The following TBC1D9 variants were observed in gnomAD, a reference collection of about 807,000 sequenced individuals.
TBC1D9 encodes TBC1 domain family member 9A.
In TBC1D9, 63 loss-of-function variants were observed where a neutral mutation model predicts 132.0. The ratio of observed to expected loss-of-function variants is 0.48; its 90% CI spans 0.39 to 0.59. The LOEUF (loss-of-function observed/expected upper bound fraction) is 0.59. Ranked by LOEUF, TBC1D9 falls within the 20% of genes least tolerant of loss-of-function variation. The probability of loss-of-function intolerance (pLI) is 0.00; values close to 1 mark genes in which losing one functional copy is unlikely to be tolerated. For synonymous variants in TBC1D9, 610 were observed against 609.9 expected (o/e 1.00, Z 0.00); for missense variants, 1,261 against 1,592.7 (o/e 0.79, Z 3.54).
chr4:140,703,926 C>T (rs1348550006), intron 1 of TBC1D9, among the ~76,000 whole-genome samples: 1 of 152,190 alleles, frequency 6.6e-6, no homozygotes, highest in Non-Finnish European at 1.5e-5. Context: ...TGACTTTTCA[C>T]TTATCTACAG....
intron 9 of TBC1D9, among the ~76,000 whole-genome samples, chr4:140,666,771 G>A (rs1470948421): frequency 2.7e-5 from 4 of 148,504 alleles, no homozygotes; most frequent in African/African-American, 9.9e-5. Context: ...ACCTTAACTA[G>A]TAAGTTGTGA....
At chr4:140,660,112 T>C (rs1737334020) in intron 10 of TBC1D9, among the ~76,000 whole-genome samples, 1 of 152,218 alleles carries the variant, frequency 6.6e-6, no homozygotes, top group Admixed American at 6.5e-5. Flanking sequence ...CTTTGTAACT[T>C]TCCGTAATGG....
intron 6 of TBC1D9, among the ~76,000 whole-genome samples, chr4:140,675,376 C>T (rs1411419848): frequency 1.3e-5 from 2 of 152,086 alleles, no homozygotes; most frequent in East Asian, 1.9e-4. Context: ...AGCAAGGGGA[C>T]AATCCTGATC....
At chr4:140,627,928 T>C (rs1161271826) in intron 17 of TBC1D9, among the ~76,000 whole-genome samples, 1 of 152,122 alleles carries the variant, frequency 6.6e-6, no homozygotes, top group Non-Finnish European at 1.5e-5. Context: ...TCCCAGCTGG[T>C]ACCAACCTTG....
chr4:140,655,261 T>C (rs1458034859), intron 13 of TBC1D9, among the ~76,000 whole-genome samples: 1 of 152,234 alleles, frequency 6.6e-6, no homozygotes, highest in Admixed American at 6.5e-5. Flanking sequence ...TATTTTGCTT[T>C]CAATATATAT....
At chr4:140,645,043 C>A in intron 13 of TBC1D9, 1 of 484,400 alleles carries the variant, frequency 2.1e-6, no homozygotes, top group Non-Finnish European at 4.1e-6. Flanking sequence ...GTTGCGGGGT[C>A]CACAGACCAG....
chr4:140,753,086 G>T (rs142271402), intron 1 of TBC1D9, among the ~76,000 whole-genome samples: 1 of 151,928 alleles, frequency 6.6e-6, no homozygotes, highest in Admixed American at 6.6e-5. Context: ...CTTCCTCAAG[G>T]AATCTTTCCT....
At chr4:140,643,454 C>G in intron 13 of TBC1D9, 2 of 921,932 alleles carry the variant, frequency 2.2e-6, no homozygotes, top group South Asian at 2.7e-5. Flanking sequence ...CAGAGCTTGC[C>G]TCTTCCAGGT....
chr4:140,684,126 G>C (rs1164389411), intron 3 of TBC1D9, among the ~76,000 whole-genome samples: 1 of 152,046 alleles, frequency 6.6e-6, no homozygotes, highest in Non-Finnish European at 1.5e-5. Flanking sequence ...GGGAGGCCGG[G>C]CATGGTGTCT....
rs926990126 is a variant in TBC1D9, at chr4:140,622,049, T to C, written c.*146A>G. On this transcript the variant is annotated 3_prime_UTR_variant, in exon 21 of 21. Transcript: ENST00000442267. The stretch of plus-strand genomic sequence containing the variant: ...TTAAATATTTCTCCAACAGTTTTCA[T>C]TGAATTACATTATGAAAACACTAGG... 1 of 1,165,914 alleles carries C rather than the reference T, an allele frequency of 8.6e-7. No homozygotes were observed. Among genetic ancestry groups the C allele is most frequent in the Admixed American group, 3.0e-5 (1 of 33,344 alleles). 72.2% of individuals were successfully genotyped at this position (1,165,914 alleles called of 1,614,324 possible).
At chr4:140,725,453 G>T (rs1430189802) in intron 1 of TBC1D9, among the ~76,000 whole-genome samples, 1 of 152,200 alleles carries the variant, frequency 6.6e-6, no homozygotes, top group African/African-American at 2.4e-5. Flanking sequence ...AGGTCCAGCG[G>T]AACAAGAGCT....
At chr4:140,665,417 C>T (rs1406562956) in intron 9 of TBC1D9, among the ~76,000 whole-genome samples, 1 of 151,994 alleles carries the variant, frequency 6.6e-6, no homozygotes, top group Non-Finnish European at 1.5e-5. Flanking sequence ...CAATTAAGAG[C>T]AGGCAAAGGA....
At position 140,687,520 on chromosome 4, in the gene TBC1D9, TTC is replaced by T. The variant is rs1737808402; in HGVS notation, c.242-1060_242-1059del. 1.3e-5 allele frequency among the ~76,000 whole-genome samples: 2 copies of T among 151,520 alleles called. 1 individual carries two copies. Among genetic ancestry groups the T allele is most frequent in the South Asian group, 4.2e-4 (2 of 4,784 alleles). On this transcript the variant is annotated intron_variant, in intron 2 of 20. Transcript: ENST00000442267. Reference sequence around the variant, plus strand: ...TTAATTGATTTCTTTAAAGTGTCTTTTCTCTCTGTTCTTTGTCATCAGTAAGA... The same window carrying T: ...TTAATTGATTTCTTTAAAGTGTCTTTTCTCTGTTCTTTGTCATCAGTAAGA...
intron 1 of TBC1D9, among the ~76,000 whole-genome samples, chr4:140,728,726 G>A (rs886186811): frequency 3.3e-5 from 5 of 151,954 alleles, no homozygotes; most frequent in East Asian, 1.9e-4. Flanking sequence ...GCAGTGGCTC[G>A]ATCTCAGCTC....
chr4:140,640,920 C>T (rs1004978267), intron 13 of TBC1D9, among the ~76,000 whole-genome samples: 43 of 148,440 alleles, frequency 2.9e-4, no homozygotes, highest in African/African-American at 7.9e-4. Context: ...TTTACTTTAC[C>T]GAAAGACATA....
chr4:140,671,016 TTCA>T (rs1737527819), intron 6 of TBC1D9, 90 bp from the exon 7 acceptor site: 1 of 1,070,844 alleles, frequency 9.3e-7, no homozygotes, highest in African/African-American at 1.6e-5. Flanking sequence ...AGGCGGCACT[TTCA>T]TTATTCTATA....
intron 1 of TBC1D9, among the ~76,000 whole-genome samples, chr4:140,710,408 G>C (rs189090003): frequency 1.6e-3 from 249 of 152,256 alleles, no homozygotes; most frequent in Middle Eastern, 3.4e-3. Flanking sequence ...CTGGATCACA[G>C]GGTCTTTGAT....
rs1174570952 is a variant in TBC1D9 at position 140,704,767 on chromosome 4, A to G, written c.131-3153T>C. On this transcript the variant is annotated intron_variant, in intron 1 of 20. Coordinates refer to ENST00000442267, the MANE Select transcript of TBC1D9 (RefSeq NM_015130.3). ...CTAAAATCCAACCTCAACATAAACT[A>G]TTCTAATTAACAAAGCCTCTGGTGT... Among the ~76,000 whole-genome samples, 4 of 152,202 alleles carry G rather than the reference A, an allele frequency of 2.6e-5. No individual in the cohort carries two copies. The East Asian group carries it at 7.7e-4, about 29-fold the overall frequency.
At chr4:140,753,090 CTT>C (rs1738950723) in intron 1 of TBC1D9, among the ~76,000 whole-genome samples, 1 of 152,152 alleles carries the variant, frequency 6.6e-6, no homozygotes, top group South Asian at 2.1e-4. Context: ...CTCAAGGAAT[CTT>C]TCCTTTGCCT....
Sources: allele counts gnomAD v4.1 joint callset (sites outside exome capture counted in the v4.1 genomes callset), GRCh38; gene constraint gnomAD v4.1.1; transcripts MANE v1.5; gene names NCBI Gene and HGNC (gene_info 2026-07-23, HGNC 2026-07-21).